Variants in MAD1L1 observed in about 807,000 individuals in gnomAD.
MAD1L1 encodes mitotic arrest deficient 1 like 1.
MAD1L1 carries 95 observed loss-of-function variants against 96.9 expected under a neutral mutation model. The ratio of observed to expected loss-of-function variants is 0.98; its 90% CI spans 0.83 to 1.16. MAD1L1 has a LOEUF of 1.16. Ranked by LOEUF, MAD1L1 falls within the 50% of genes most tolerant of loss-of-function variation. The pLI is 0.00. For synonymous variants in MAD1L1, 473 were observed against 396.6 expected (o/e 1.19, Z -2.29); for missense variants, 1,007 against 954.4 (o/e 1.06, Z -0.73).
Position 2,165,058 on chromosome 7 carries a change from G to A in MAD1L1, c.987-15820C>T, listed in dbSNP as rs182412716. Among the ~76,000 whole-genome samples the A allele has an allele frequency of 2.2e-3, 329 of 152,282 alleles. 2 individuals carry two copies. The highest frequency in any genetic ancestry group is 3.3e-3 in the Non-Finnish European group (223 of 68,020). ...ACAAAAGGTGGGCAATACAAATACG[G>A]CTGGGCGCAGTGGCTCACGCCTGTC... On this transcript the variant is annotated intron_variant, in intron 10 of 18. Coordinates refer to ENST00000265854, the MANE Select transcript of MAD1L1 (RefSeq NM_001013836.2).
At position 2,228,511 on chromosome 7, in the gene MAD1L1, C is replaced by T. The variant is rs552333507; in HGVS notation, c.150+1473G>A. ...CAAGTGATCCAGCCACCTCAGCCTC[C>T]CAAAGTGCTGGGGTTATAGGCATGA... On this transcript the variant is annotated intron_variant, in intron 3 of 18. Transcript: ENST00000265854. Among the ~76,000 whole-genome samples, 23 of 152,200 alleles carry T rather than the reference C, an allele frequency of 1.5e-4. 1 individual carries two copies. In the South Asian group the frequency reaches 4.8e-3, roughly 32 times the overall value.
chr7:2,038,119 A>G (rs1783520153), intron 12 of MAD1L1, among the ~76,000 whole-genome samples: 2 of 152,192 alleles, frequency 1.3e-5, no homozygotes, highest in Admixed American at 6.5e-5. Flanking sequence ...GTCTGGATAG[A>G]TCAAACCAGC....
intron 11 of MAD1L1, among the ~76,000 whole-genome samples, chr7:2,131,950 C>CTCT (rs1788528384): frequency 1.3e-5 from 2 of 152,314 alleles, no homozygotes; most frequent in Non-Finnish European, 2.9e-5. Context: ...GCTCAGGTGC[C>CTCT]TCTAATGGAA....
At chr7:2,033,655 G>T (rs908035881) in intron 12 of MAD1L1, among the ~76,000 whole-genome samples, 2 of 152,222 alleles carry the variant, frequency 1.3e-5, no homozygotes, top group Non-Finnish European at 1.5e-5. Context: ...ACCTGGAGTG[G>T]CAAGAAGTAA....
In MAD1L1 at chr7:2,210,692, G is replaced by T. The variant is rs531053216; in HGVS notation, c.986+2520C>A. Among the ~76,000 whole-genome samples the T allele has an allele frequency of 2.7e-4, 41 of 152,318 alleles. 1 individual carries two copies. In the East Asian group the frequency reaches 5.4e-3, roughly 20 times the overall value. ...CCCGCCCTGTGGAGCACAACACAAG[G>T]AGCAGCGGGGAGCCCTGAAGGGGCC... On this transcript the variant is annotated intron_variant, in intron 10 of 18. Transcript: ENST00000265854.
intron 4 of MAD1L1, 148 bp downstream of exon 4, chr7:2,225,262 C>G (rs13223015): frequency 0.094 from 14,653 of 155,424 alleles, 5,065 homozygotes; most frequent in African/African-American, 0.61. Context: ...GGACTGGGAT[C>G]TGATTTCTTA....
rs367907391 is a variant in MAD1L1, at chr7:1,947,817, C to A, written c.1596+9812G>T. Among the ~76,000 whole-genome samples, 61 of 152,338 alleles carry A rather than the reference C, an allele frequency of 4.0e-4. No homozygotes were observed. In the South Asian group the frequency reaches 0.012, roughly 31 times the overall value. On this transcript the variant is annotated intron_variant, in intron 16 of 18. Transcript: ENST00000265854. Reference sequence around the variant, plus strand: ...CCTTGGGCAACTTACTCAGGGCCAGCAGGAGGGCTGAAGGGCTGGATGCAC... The same window carrying A: ...CCTTGGGCAACTTACTCAGGGCCAGAAGGAGGGCTGAAGGGCTGGATGCAC...
chr7:1,922,716 C>T (rs1788868556), intron 17 of MAD1L1, among the ~76,000 whole-genome samples: 2 of 152,228 alleles, frequency 1.3e-5, no homozygotes, highest in Admixed American at 1.3e-4. Context: ...GTCGGCGTTT[C>T]CCAGTCCCTC....
intron 18 of MAD1L1, among the ~76,000 whole-genome samples, chr7:1,896,386 C>T (rs139838512): frequency 1.5e-4 from 23 of 152,164 alleles, no homozygotes; most frequent in African/African-American, 4.8e-4. Flanking sequence ...GGCCCATGCT[C>T]GAGGGTATGA....
chr7:1,816,549 G>GGCCCTAGTGCCAC (rs1781816638), intron 18 of MAD1L1, among the ~76,000 whole-genome samples: 1 of 152,154 alleles, frequency 6.6e-6, no homozygotes, highest in Non-Finnish European at 1.5e-5. Context: ...ACCTGTGCCA[G>GGCCCTAGTGCCAC]GCCCTAGTGC....
At chr7:2,163,925 C>T (rs903432396) in intron 10 of MAD1L1, among the ~76,000 whole-genome samples, 4 of 151,940 alleles carry the variant, frequency 2.6e-5, no homozygotes, top group Non-Finnish European at 4.4e-5. Flanking sequence ...GCAAACCATC[C>T]CAAGCATAAA....
At chr7:2,106,234 T>C (rs1787091979) in intron 11 of MAD1L1, among the ~76,000 whole-genome samples, 1 of 152,022 alleles carries the variant, frequency 6.6e-6, no homozygotes, top group Non-Finnish European at 1.5e-5. Context: ...ACTGCGTCGG[T>C]GCCTTGCGTG....
At chr7:1,843,312 C>T (rs1253686304) in intron 18 of MAD1L1, among the ~76,000 whole-genome samples, 1 of 152,208 alleles carries the variant, frequency 6.6e-6, no homozygotes, top group Non-Finnish European at 1.5e-5. Context: ...ACTCTTCCCT[C>T]CATCTTCCAC....
At chr7:1,835,936 T>C (rs1782917211) in intron 18 of MAD1L1, among the ~76,000 whole-genome samples, 1 of 152,254 alleles carries the variant, frequency 6.6e-6, no homozygotes, top group African/African-American at 2.4e-5. Context: ...ATTTGTAAGC[T>C]GTCATGGCAC....
At chr7:1,946,098 G>C (rs543609031) in intron 16 of MAD1L1, among the ~76,000 whole-genome samples, 1 of 152,308 alleles carries the variant, frequency 6.6e-6, no homozygotes, top group East Asian at 1.9e-4. Flanking sequence ...ATGTGGGGTG[G>C]GCTCTGCAGC....
chr7:2,078,763 G>A (rs746052209), intron 11 of MAD1L1, among the ~76,000 whole-genome samples: 1 of 152,246 alleles, frequency 6.6e-6, no homozygotes, highest in Non-Finnish European at 1.5e-5. Context: ...AAGGGGCTCA[G>A]AGGTGGCATG....
At chr7:1,980,072 A>C (rs1780822412) in intron 15 of MAD1L1, among the ~76,000 whole-genome samples, 1 of 152,204 alleles carries the variant, frequency 6.6e-6, no homozygotes, top group Non-Finnish European at 1.5e-5. Context: ...TACTCCAGCC[A>C]CCCACGGGGG....
chr7:1,942,377 C>T (rs1449037618), intron 16 of MAD1L1, among the ~76,000 whole-genome samples: 1 of 152,238 alleles, frequency 6.6e-6, no homozygotes, highest in Non-Finnish European at 1.5e-5. Context: ...AACTTCCAGC[C>T]TGCTGCTGTG....
intron 12 of MAD1L1, among the ~76,000 whole-genome samples, chr7:2,046,012 T>C (rs896460333): frequency 1.3e-5 from 2 of 152,102 alleles, no homozygotes; most frequent in Admixed American, 6.5e-5. Flanking sequence ...GGAGGCCCTG[T>C]AAGGGAAGGA....
Sources: gnomAD v4.1 joint callset for allele counts (sites outside exome capture counted in the v4.1 genomes callset) on GRCh38, gnomAD v4.1.1 for gene constraint, MANE v1.5 for transcripts, NCBI Gene and HGNC (gene_info 2026-07-23, HGNC 2026-07-21) for gene names.